The following BUB1 variants were observed in gnomAD, a reference collection of about 807,000 sequenced individuals.
BUB1 encodes mitotic checkpoint serine/threonine-protein kinase BUB1.
Under a neutral mutation model 135.2 loss-of-function variants are expected in BUB1, and 84 were observed. The observed-to-expected ratio is 0.62, with a 90% confidence interval of 0.52 to 0.74. The LOEUF (loss-of-function observed/expected upper bound fraction) is 0.74, where lower values mean the gene tolerates loss of function less well. Ranked by LOEUF, BUB1 falls within the 30% of genes least tolerant of loss-of-function variation. The pLI, the probability that BUB1 is intolerant of heterozygous loss-of-function variation, is 0.00. For missense variants in BUB1, 1,162 were observed against 1,288.3 expected (o/e 0.90, Z 1.50); for synonymous variants, 403 against 434.4 (o/e 0.93, Z 0.90).
Position 110,661,618 on chromosome 2 carries a change from G to A in BUB1, c.1181C>T (p.Thr394Ile), listed in dbSNP as rs1051110913. 3 of 1,614,214 alleles carry A rather than the reference G, an allele frequency of 1.9e-6. No homozygotes were observed. The change falls in exon 10 of 25, where the codon ACA becomes ATA. Residue 394 changes from threonine (T) to isoleucine (I), a missense_variant. Coordinates refer to ENST00000302759, the MANE Select transcript of BUB1 (RefSeq NM_004336.5). ...PPVPLKAQTV[T>I]DSMFAVASKD... ...GCTGGCCACTGCAAACATGGAGTCTGTTACTGTCTGGGCTTTCAAAGGAAC... is the reference window on the plus strand; with the variant it reads ...GCTGGCCACTGCAAACATGGAGTCTATTACTGTCTGGGCTTTCAAAGGAAC...
chr2:110,654,503 T>C (rs1330601663), intron 16 of BUB1, among the ~76,000 whole-genome samples: 1 of 152,192 alleles, frequency 6.6e-6, no homozygotes, highest in African/African-American at 2.4e-5. Context: ...TACTACTTTT[T>C]AGCACTAGAA....
At position 110,661,847 on chromosome 2, in the gene BUB1, A is replaced by G; in HGVS notation, c.958-6T>C. The G allele has an allele frequency of 6.2e-7, 1 of 1,611,044 alleles. No individual in the cohort carries two copies. The highest frequency in any genetic ancestry group is 8.5e-7 in the Non-Finnish European group (1 of 1,178,366). ...CCCATACGTGCTGGATTAACCTTTC[A>G]TATTAAACAAACAAACAACAAAAAC... On this transcript the variant is annotated splice_region_variant and splice_polypyrimidine_tract_variant and intron_variant, in intron 9 of 24. Transcript: ENST00000302759.
At chr2:110,643,606 A>G (rs1689561816) in intron 19 of BUB1, among the ~76,000 whole-genome samples, 1 of 152,186 alleles carries the variant, frequency 6.6e-6, no homozygotes, top group Non-Finnish European at 1.5e-5. Flanking sequence ...AGACACACAT[A>G]TGGCAGAGAT....
At chr2:110,640,744 CT>C (rs1689479968) in intron 23 of BUB1, among the ~76,000 whole-genome samples, 1 of 152,186 alleles carries the variant, frequency 6.6e-6, no homozygotes, top group Non-Finnish European at 1.5e-5. Context: ...TGCTGCATGA[CT>C]TCCTTTCTGA....
At position 110,658,432 on chromosome 2, in the gene BUB1, A is replaced by G. The variant is rs775571137; in HGVS notation, c.1494T>C (p.Asp498=). The part of the protein sequence containing the change: ...DEWQSLDQNE[D]AFEAQFQKNV... Reference sequence around the variant, plus strand: ...TACTTTGAAACTGGGCTTCAAATGCATCTTCATTTTGATCTAGAGATTGCC... The same window carrying G: ...TACTTTGAAACTGGGCTTCAAATGCGTCTTCATTTTGATCTAGAGATTGCC... Residue 498 remains aspartate, a synonymous_variant, in exon 13 of 25, where the codon GAT becomes GAC. Transcript: ENST00000302759. 6.8e-6 allele frequency: 11 copies of G among 1,613,566 alleles called. No homozygotes were observed. Among genetic ancestry groups the G allele is most frequent in the Middle Eastern group, 3.3e-4 (2 of 6,026 alleles).
intron 3 of BUB1, among the ~76,000 whole-genome samples, chr2:110,673,486 G>A (rs1690478934): frequency 6.6e-6 from 1 of 152,058 alleles, no homozygotes; most frequent in Admixed American, 6.5e-5. Flanking sequence ...CTTAAGCTGT[G>A]GAATCTGAAG....
At position 110,672,821 on chromosome 2, in the gene BUB1, A is replaced by T. The variant is rs761613316; in HGVS notation, c.262T>A (p.Phe88Ile). The change falls in exon 4 of 25, where the codon TTT (phenylalanine) becomes ATT (isoleucine). Residue 88 changes from phenylalanine to isoleucine, a missense_variant. Transcript: ENST00000302759. ...YNSDLHQFFE[F>I]LYNHGIGTLS... is the part of the protein sequence containing the mutation. The stretch of plus-strand genomic sequence containing the variant: ...GTTCCAATCCCATGGTTGTACAGAA[A>T]CTCAAAAAATTGATGGAGGTCACTG... 1 of 1,609,330 alleles carries T rather than the reference A, an allele frequency of 6.2e-7. No homozygotes were observed. The highest frequency in any genetic ancestry group is 8.5e-7 in the Non-Finnish European group (1 of 1,178,622).
chr2:110,639,804 A>G lies in BUB1; in HGVS notation c.3000T>C (p.Phe1000=), dbSNP rs1212295675. The part of the protein sequence containing the change: ...GVAATVYCML[F]GTYMKVKNEG... ...CATTTTTCACTTTCATGTAAGTGCC[A>G]AAGAGCATGCAATATACTGTTGCAG... is the stretch of plus-strand genomic sequence containing the variant. Residue 1000 remains phenylalanine, a synonymous_variant, in exon 24 of 25, where the codon TTT becomes TTC. Coordinates refer to ENST00000302759, the MANE Select transcript of BUB1 (RefSeq NM_004336.5). 2.5e-6 allele frequency: 4 copies of G among 1,614,026 alleles called. No homozygotes were observed. The African/African-American group carries it at 5.3e-5, about 22-fold the overall frequency.
intron 4 of BUB1, among the ~76,000 whole-genome samples, chr2:110,672,021 GT>G (rs1690437131): frequency 6.6e-6 from 1 of 152,194 alleles, no homozygotes. Flanking sequence ...GAGGTCAGGG[GT>G]TCAAGACCAG....
intron 5 of BUB1, among the ~76,000 whole-genome samples, chr2:110,670,319 G>A (rs1690387193): frequency 6.6e-6 from 1 of 151,800 alleles, no homozygotes; most frequent in African/African-American, 2.4e-5. Flanking sequence ...TTGTATTTTA[G>A]TAGAGATGGG....
intron 1 of BUB1, among the ~76,000 whole-genome samples, 171 bp from the exon 2 acceptor site, chr2:110,674,536 T>G (rs1323520500): frequency 6.6e-6 from 1 of 152,220 alleles, no homozygotes; most frequent in Non-Finnish European, 1.5e-5. Flanking sequence ...TAAATATCGA[T>G]CCAAATAGTA....
rs760852314 is a variant in BUB1 at position 110,674,142 on chromosome 2, A to C, written c.169T>G (p.Leu57Val). 8 of 1,577,516 alleles carry C rather than the reference A, an allele frequency of 5.1e-6. No homozygotes were observed. The African/African-American group carries it at 5.4e-5, about 11-fold the overall frequency. Residue 57 changes from leucine (L) to valine (V), a missense_variant, in exon 3 of 25, where the codon TTA (leucine) becomes GTA (valine). Leu to Val is a conservative substitution (Grantham distance 32, BLOSUM62 1). Coordinates refer to ENST00000302759, the MANE Select transcript of BUB1 (RefSeq NM_004336.5). ...TLLEHLMKEF[L>V]DKKKYHNDPR... ...TCATTGTGGTATTTCTTCTTATCTA[A>C]AAATTCCTTCATTAAATGTTCTAGT... is the stretch of plus-strand genomic sequence containing the variant.
At chr2:110,642,383 T>A (rs572938816) in intron 19 of BUB1, 149 bp from the exon 20 acceptor site, 1 of 501,210 alleles carries the variant, frequency 2.0e-6, no homozygotes, top group East Asian at 3.4e-5. Context: ...CATGGTATAT[T>A]TGTCACAAAT....
At chr2:110,650,345 C>A (rs1471456085) in intron 18 of BUB1, among the ~76,000 whole-genome samples, 1 of 152,130 alleles carries the variant, frequency 6.6e-6, no homozygotes, top group African/African-American at 2.4e-5. Flanking sequence ...TATTTTGATA[C>A]CTTCTAAAAT....
intron 14 of BUB1, 27 bp downstream of exon 14, chr2:110,657,519 C>A (rs778165642): frequency 6.5e-7 from 1 of 1,541,146 alleles, no homozygotes. Context: ...TCGGCAGCAT[C>A]CCATTAACTA....
intron 9 of BUB1, among the ~76,000 whole-genome samples, chr2:110,665,135 C>A (rs1690209577): frequency 6.6e-6 from 1 of 152,100 alleles, no homozygotes; most frequent in African/African-American, 2.4e-5. Context: ...GATATCTATG[C>A]AATAGCAGTG....
In BUB1 at chr2:110,641,336, A is replaced by G. The variant is rs764347463; in HGVS notation, c.2754T>C (p.Ile918=). 1 of 1,612,170 alleles carries G rather than the reference A, an allele frequency of 6.2e-7. No individual in the cohort carries two copies. Among genetic ancestry groups the G allele is most frequent in the South Asian group, 1.1e-5 (1 of 90,424 alleles). The change falls in exon 22 of 25, where the codon ATT becomes ATC. Residue 918 remains isoleucine, a synonymous_variant. Coordinates refer to ENST00000302759, the MANE Select transcript of BUB1 (RefSeq NM_004336.5). The part of the protein sequence containing the change: ...VHDCEIIHGD[I]KPDNFILGNG... ...TTCCAAGTATGAAATTGTCTGGTTT[A>G]ATGTCTCCATGAATGATTTCACAGT...
intron 13 of BUB1, among the ~76,000 whole-genome samples, chr2:110,658,203 T>C (rs1208242439): frequency 6.6e-6 from 1 of 151,358 alleles, no homozygotes; most frequent in Non-Finnish European, 1.5e-5. Flanking sequence ...TTAGCACTAT[T>C]CTTTTTTTTT....
At position 110,650,696 on chromosome 2, in the gene BUB1, C is replaced by G. The variant is rs773128235; in HGVS notation, c.2053G>C (p.Gly685Arg). The change falls in exon 18 of 25, where the codon GGG (glycine) becomes CGG (arginine). Residue 685 changes from glycine (G) to arginine (R), a missense_variant. Transcript: ENST00000302759. ...LLRLSQPAAG[G>R]VLTCEAELGV... Reference sequence around the variant, plus strand: ...AACTCTGCCTCACAGGTAAGTACCCCACCTGCAGCAGGCTGGCTCAGACGA... The same window carrying G: ...AACTCTGCCTCACAGGTAAGTACCCGACCTGCAGCAGGCTGGCTCAGACGA... 73 of 1,613,904 alleles carry G rather than the reference C, an allele frequency of 4.5e-5. No homozygotes were observed. Among genetic ancestry groups the G allele is most frequent in the South Asian group, 3.0e-4 (27 of 91,088 alleles).
Sources: gnomAD v4.1 joint callset for allele counts (sites outside exome capture counted in the v4.1 genomes callset) on GRCh38, gnomAD v4.1.1 for gene constraint, MANE v1.5 for transcripts, NCBI Gene and HGNC (gene_info 2026-07-23, HGNC 2026-07-21) for gene names.